The following BET1L variants were observed in gnomAD, a reference collection of about 807,000 sequenced individuals.
BET1L encodes BET1-like protein.
BET1L carries 13 observed loss-of-function variants against 12.6 expected under a neutral mutation model. The ratio of observed to expected loss-of-function variants is 1.03; its 90% confidence interval spans 0.67 to 1.64. The LOEUF is 1.64. Among genes scored for constraint, BET1L ranks in the 40% most tolerant of loss-of-function variants. The pLI is 0.00. For missense variants in BET1L, 154 were observed against 150.7 expected, an observed-to-expected ratio of 1.02 and a Z score of -0.11; for synonymous variants, 60 against 56.9, an observed-to-expected ratio of 1.05 and a Z score of -0.25.
At chr11:207,147 C>T (rs1855187561) in intron 1 of BET1L, 156 bp downstream of exon 1, 2 of 1,061,738 alleles carry the variant, frequency 1.9e-6, no homozygotes, top group Non-Finnish European at 2.6e-6. Flanking sequence ...CCCGGCCCTG[C>T]TCGGACCCGG....
rs1035550627 is a variant in BET1L at position 204,942 on chromosome 11, G to A, written c.*360C>T. 14 of 278,686 alleles carry A rather than the reference G, an allele frequency of 5.0e-5. No homozygotes were observed. Among genetic ancestry groups the A allele is most frequent in the African/African-American group, 2.4e-4 (11 of 45,684 alleles). The allele number at this position is 278,686 out of a possible 1,614,324, so 17.3% of individuals were successfully genotyped here. Reference sequence around the variant, plus strand: ...CTTAAGATGTCAGAGTCCCAAGCGCGGGGAGAAGGGCTGCAAGCCACAGGT... The same window carrying A: ...CTTAAGATGTCAGAGTCCCAAGCGCAGGGAGAAGGGCTGCAAGCCACAGGT... On this transcript the variant is annotated 3_prime_UTR_variant, in exon 4 of 4. Transcript: ENST00000382762.
chr11:207,379 G>GTGGCCACAGCCGCCTCAGACC lies in BET1L; in HGVS notation c.-59_-58insGGTCTGAGGCGGCTGTGGCCA. The GTGGCCACAGCCGCCTCAGACC allele has an allele frequency of 6.6e-7, 1 of 1,507,468 alleles. No individual in the cohort carries two copies. Among genetic ancestry groups the GTGGCCACAGCCGCCTCAGACC allele is most frequent in the Non-Finnish European group, 8.8e-7 (1 of 1,133,290 alleles). 93.4% of individuals were successfully genotyped at this position (1,507,468 alleles called of 1,614,324 possible). ...CGACGCGGCCACAGCCGCCTCAGAC[G>GTGGCCACAGCCGCCTCAGACC]TGGCGCAGTCGCGGGGAAAGAGCTT... On this transcript the variant is annotated 5_prime_UTR_variant, in exon 1 of 4. Coordinates refer to ENST00000382762, the MANE Select transcript of BET1L (RefSeq NM_001098787.2).
intron 1 of BET1L, 42 bp downstream of exon 1, chr11:207,261 G>T (rs1168811992): frequency 6.6e-7 from 1 of 1,520,102 alleles, no homozygotes. Context: ...CGTCGGTTTC[G>T]GCCCGGCCCT....
chr11:206,392 G>A (rs1002019134), intron 1 of BET1L, among the ~76,000 whole-genome samples: 3 of 152,184 alleles, frequency 2.0e-5, no homozygotes, highest in Non-Finnish European at 4.4e-5. Flanking sequence ...TGTATGTGGA[G>A]CCCATTCTTA....
chr11:207,021 G>A (rs952741981), intron 1 of BET1L: 6 of 492,314 alleles, frequency 1.2e-5, no homozygotes, highest in Admixed American at 4.2e-5. Context: ...AACCCATGCA[G>A]AACGATCTCA....
chr11:206,303 A>G (rs1564796475), intron 1 of BET1L, among the ~76,000 whole-genome samples: 1 of 152,220 alleles, frequency 6.6e-6, no homozygotes, highest in Non-Finnish European at 1.5e-5. Context: ...GCACCTTCTG[A>G]GACTGTGTAG....
rs1374624837 is a variant in BET1L at position 204,232 on chromosome 11, GA to G, written c.*1069del. 6.6e-6 allele frequency: 1 copy of G among 152,348 alleles called. No homozygotes were observed. The allele number at this position is 152,348 out of a possible 1,614,324, so 9.4% of individuals were successfully genotyped here. A position where few individuals can be genotyped will look rare whatever the true frequency, so the allele number is the denominator to read the frequency against. ...CGAGGACCTCATCTTGAGGTGGGAA[GA>G]AGTCGTTGCCCTGCCAGTCCAGTGG... On this transcript the variant is annotated 3_prime_UTR_variant, in exon 4 of 4. Coordinates refer to ENST00000382762, the MANE Select transcript of BET1L (RefSeq NM_001098787.2).
rs772882714 is a variant in BET1L at position 205,391 on chromosome 11, C to T, written c.247G>A (p.Asp83Asn). 8 of 1,614,222 alleles carry T rather than the reference C, an allele frequency of 5.0e-6. No individual in the cohort carries two copies. The South Asian group carries it at 8.8e-5, about 18-fold the overall frequency. The change falls in exon 4 of 4, where the codon GAC becomes AAC. Residue 83 changes from aspartate (D) to asparagine (N), a missense_variant. Transcript: ENST00000382762. ...RFSTMARSGQDNRKLLCGMAV... is the reference protein window; with the variant it reads ...RFSTMARSGQNNRKLLCGMAV... ...ATGCCACATAGAAGCTTCCGGTTGTCTTGTCCGGACCTTGCCATTGTGGAA... is the reference window on the plus strand; with the variant it reads ...ATGCCACATAGAAGCTTCCGGTTGTTTTGTCCGGACCTTGCCATTGTGGAA...
chr11:205,153 G>C lies in BET1L; in HGVS notation c.*149C>G. 1 of 1,127,170 alleles carries C rather than the reference G, an allele frequency of 8.9e-7. No individual in the cohort carries two copies. The highest frequency in any genetic ancestry group is 1.2e-6 in the Non-Finnish European group (1 of 816,192). 69.8% of individuals were successfully genotyped at this position (1,127,170 alleles called of 1,614,324 possible). ...TGAGCTCATCAGGTCACAGGCAGCC[G>C]CAGCCTCCTGCCACACAGGAAGAAG... On this transcript the variant is annotated 3_prime_UTR_variant, in exon 4 of 4. Transcript: ENST00000382762.
chr11:207,142 C>A, intron 1 of BET1L, 161 bp downstream of exon 1: 1 of 998,630 alleles, frequency 1.0e-6, no homozygotes, highest in Non-Finnish European at 1.4e-6. Flanking sequence ...CGAAACCCGG[C>A]CCTGCTCGGA....
At position 205,268 on chromosome 11, in the gene BET1L, C is replaced by T. The variant is rs760672311; in HGVS notation, c.*34G>A. 2.5e-6 allele frequency: 4 copies of T among 1,596,134 alleles called. No homozygotes were observed. Among genetic ancestry groups the T allele is most frequent in the East Asian group, 2.2e-5 (1 of 44,496 alleles). ...CACCAGGCAGGGAAGACCCTGGCTG[C>T]CCTTGGCACCCACAGACACCAGCTC... is the stretch of plus-strand genomic sequence containing the variant. On this transcript the variant is annotated 3_prime_UTR_variant, in exon 4 of 4. Coordinates refer to ENST00000382762, the MANE Select transcript of BET1L (RefSeq NM_001098787.2).
At chr11:205,832 C>T in intron 2 of BET1L, 120 bp downstream of exon 2, 2 of 1,440,688 alleles carry the variant, frequency 1.4e-6, no homozygotes, top group Non-Finnish European at 1.9e-6. Flanking sequence ...CAGGTGAGCA[C>T]AGCCACGAAT....
At chr11:205,914 G>T in intron 2 of BET1L, 38 bp downstream of exon 2, 1 of 1,599,994 alleles carries the variant, frequency 6.3e-7, no homozygotes, top group Non-Finnish European at 8.6e-7. Context: ...ATTCCCCAAA[G>T]GCACCAGGTG....
chr11:206,944 G>A, intron 1 of BET1L: 2 of 331,262 alleles, frequency 6.0e-6, no homozygotes, highest in Non-Finnish European at 1.1e-5. Flanking sequence ...GGACACCAGC[G>A]GAGCACAGCC....
chr11:205,168 A>C lies in BET1L; in HGVS notation c.*134T>G. 8.1e-7 allele frequency: 1 copy of C among 1,239,150 alleles called. No individual in the cohort carries two copies. The highest frequency in any genetic ancestry group is 1.6e-5 in the South Asian group (1 of 63,264). 76.8% of individuals were successfully genotyped at this position (1,239,150 alleles called of 1,614,324 possible). On this transcript the variant is annotated 3_prime_UTR_variant, in exon 4 of 4. Coordinates refer to ENST00000382762, the MANE Select transcript of BET1L (RefSeq NM_001098787.2). The stretch of plus-strand genomic sequence containing the variant: ...ACAGGCAGCCGCAGCCTCCTGCCAC[A>C]CAGGAAGAAGATTCCTGACCCACAA...
rs367812907 is a variant in BET1L, at chr11:205,350, A to C, written c.288T>G (p.Ile96Met). The change falls in exon 4 of 4, where the codon ATT becomes ATG. Residue 96 changes from isoleucine (I) to methionine (M), a missense_variant. By Grantham distance (10) the Ile-to-Met change is conservative. Transcript: ENST00000382762. Reference protein sequence around the residue: ...KLLCGMAVGLIVAFFILSYFL... With the variant: ...KLLCGMAVGLMVAFFILSYFL... ...AGTAGGAGAGGATGAAGAAGGCCAC[A>C]ATTAGACCCACGGCCATGCCACATA... 6.2e-7 allele frequency: 1 copy of C among 1,613,948 alleles called. No homozygotes were observed. The highest frequency in any genetic ancestry group is 1.3e-5 in the African/African-American group (1 of 74,926).
chr11:204,511 G>C lies in BET1L; in HGVS notation c.*791C>G, dbSNP rs1235764156. 1 of 151,770 alleles carries C rather than the reference G, an allele frequency of 6.6e-6. No individual in the cohort carries two copies. The highest frequency in any genetic ancestry group is 1.5e-5 in the Non-Finnish European group (1 of 67,978). The allele number at this position is 151,770 out of a possible 1,614,324, so 9.4% of individuals were successfully genotyped here. On this transcript the variant is annotated 3_prime_UTR_variant, in exon 4 of 4. Transcript: ENST00000382762. The stretch of plus-strand genomic sequence containing the variant: ...TGCCTGCTTTGCCTGACTCTGAAAT[G>C]CCAGACAGGCCCATTTCTAGGTCTG...
chr11:205,170 A>C lies in BET1L; in HGVS notation c.*132T>G, dbSNP rs1440095732. 7 of 1,265,508 alleles carry C rather than the reference A, an allele frequency of 5.5e-6. No individual in the cohort carries two copies. In the East Asian group the frequency reaches 1.8e-4, roughly 32 times the overall value. The allele number at this position is 1,265,508 out of a possible 1,614,324, so 78.4% of individuals were successfully genotyped here. ...AGGCAGCCGCAGCCTCCTGCCACAC[A>C]GGAAGAAGATTCCTGACCCACAATT... On this transcript the variant is annotated 3_prime_UTR_variant, in exon 4 of 4. Coordinates refer to ENST00000382762, the MANE Select transcript of BET1L (RefSeq NM_001098787.2).
In BET1L at chr11:205,385, G is replaced by A. The variant is rs779024831; in HGVS notation, c.253C>T (p.Arg85Trp). 126 of 1,614,070 alleles carry A rather than the reference G, an allele frequency of 7.8e-5. No individual in the cohort carries two copies. Among genetic ancestry groups the A allele is most frequent in the Non-Finnish European group, 1.0e-4 (122 of 1,180,038 alleles). The change falls in exon 4 of 4, where the codon CGG becomes TGG. Residue 85 changes from arginine to tryptophan, a missense_variant. Arg to Trp is a moderately radical substitution (Grantham distance 101, BLOSUM62 -3). Coordinates refer to ENST00000382762, the MANE Select transcript of BET1L (RefSeq NM_001098787.2). ...STMARSGQDN[R>W]KLLCGMAVGL... ...ACGGCCATGCCACATAGAAGCTTCC[G>A]GTTGTCTTGTCCGGACCTTGCCATT...
Sources: allele counts gnomAD v4.1 joint callset (sites outside exome capture counted in the v4.1 genomes callset), GRCh38; gene constraint gnomAD v4.1.1; transcripts MANE v1.5; gene names NCBI Gene and HGNC (gene_info 2026-07-23, HGNC 2026-07-21).